SLC16A7: variants seen among roughly 807,000 people sequenced by gnomAD.
SLC16A7 encodes the protein solute carrier family 16 member 7.
In SLC16A7, 33 loss-of-function variants were observed where a neutral mutation model predicts 34.9. The ratio of observed to expected loss-of-function variants is 0.94; its 90% CI spans 0.72 to 1.26. SLC16A7 has a LOEUF of 1.26. Ranked by LOEUF, SLC16A7 falls within the 50% of genes most tolerant of loss-of-function variation. The pLI is 0.00. For synonymous variants in SLC16A7, 201 were observed against 206.6 expected (o/e 0.97, Z 0.23); for missense variants, 573 against 578.1 (o/e 0.99, Z 0.09).
intron 1 of SLC16A7, among the ~76,000 whole-genome samples, chr12:59,626,731 T>G (rs911705979): frequency 6.6e-6 from 1 of 151,798 alleles, no homozygotes; most frequent in Non-Finnish European, 1.5e-5. Flanking sequence ...ATTTTTCCTT[T>G]GATTATTTAG....
At chr12:59,680,371 A>G (rs1380214058) in intron 2 of SLC16A7, among the ~76,000 whole-genome samples, 3 of 152,188 alleles carry the variant, frequency 2.0e-5, no homozygotes, top group Admixed American at 2.0e-4. Context: ...TGGAATTTAT[A>G]GGAATTATGT....
intron 3 of SLC16A7, among the ~76,000 whole-genome samples, chr12:59,752,535 C>T (rs2711684): frequency 0.043 from 6,556 of 151,508 alleles, 452 homozygotes; most frequent in African/African-American, 0.15. Context: ...TGAAATGAAG[C>T]AAGAAGGGAA....
chr12:59,684,291 C>T (rs1385383741), intron 2 of SLC16A7, among the ~76,000 whole-genome samples: 2 of 152,120 alleles, frequency 1.3e-5, no homozygotes, highest in African/African-American at 4.8e-5. Context: ...TTTAGAAAGA[C>T]AAAAGACTTC....
chr12:59,777,585 T>C (rs1882883039), intron 5 of SLC16A7, among the ~76,000 whole-genome samples: 1 of 151,944 alleles, frequency 6.6e-6, no homozygotes, highest in Non-Finnish European at 1.5e-5. Flanking sequence ...AAAAATTCTT[T>C]TTTTTTTCTT....
chr12:59,655,346 A>G (rs1868481939), intron 2 of SLC16A7, 96 bp downstream of exon 2: 1 of 151,908 alleles, frequency 6.6e-6, no homozygotes, highest in South Asian at 2.1e-4. Context: ...GAATGGTAGT[A>G]TTGGCATGAC....
intron 3 of SLC16A7, among the ~76,000 whole-genome samples, chr12:59,741,680 C>T (rs577675780): frequency 6.6e-6 from 1 of 152,226 alleles, no homozygotes; most frequent in South Asian, 2.1e-4. Flanking sequence ...AGAAAATTCA[C>T]GGGAATCTCT....
rs954701794 is a variant in SLC16A7 at position 59,596,262 on chromosome 12, A to AGAGGAGGAGGAG, written c.-130+37_-130+48dup. The AGAGGAGGAGGAG allele has an allele frequency of 6.6e-6, 1 of 151,690 alleles. No homozygotes were observed. The highest frequency in any genetic ancestry group is 6.6e-5 in the Admixed American group (1 of 15,164). The allele number at this position is 151,690 out of a possible 1,614,324, so 9.4% of individuals were successfully genotyped here. ...GTAAGTACAGCTGGGGAGGGAGGGG[A>AGAGGAGGAGGAG]GAGGAGGAGGAGGAGGAGGAGGTGC... On this transcript the variant is annotated intron_variant, in intron 1 of 5. Coordinates refer to ENST00000547379, the MANE Select transcript of SLC16A7 (RefSeq NM_001270623.2). The surrounding 1 kb of genome is among the most constrained non-coding windows in gnomAD (Gnocchi z 5.0).
Position 59,658,420 on chromosome 12 carries a change from G to T in SLC16A7, c.-31+3170G>T, listed in dbSNP as rs939619223. ...CTGTTTGAACATGGAACCTACAAAG[G>T]ATATCACTGTTTCTTGCCTATGTTT... is the stretch of plus-strand genomic sequence containing the variant. On this transcript the variant is annotated intron_variant, in intron 2 of 5. Transcript: ENST00000547379. Among the ~76,000 whole-genome samples the T allele has an allele frequency of 4.6e-5, 7 of 152,028 alleles. No individual in the cohort carries two copies. In the South Asian group the frequency reaches 1.5e-3, roughly 32 times the overall value.
intron 5 of SLC16A7, among the ~76,000 whole-genome samples, chr12:59,777,510 T>C (rs763523422): frequency 6.6e-6 from 1 of 152,156 alleles, no homozygotes; most frequent in Non-Finnish European, 1.5e-5. Flanking sequence ...GAACTTTCAC[T>C]GCTCCTCTCA....
intron 3 of SLC16A7, chr12:59,720,027 T>C: frequency 1.5e-6 from 1 of 680,620 alleles, no homozygotes; most frequent in Non-Finnish European, 2.6e-6. Context: ...TTTGTAAACT[T>C]TTCTGGAATA....
chr12:59,674,277 A>T (rs2137059258), intron 2 of SLC16A7, among the ~76,000 whole-genome samples: 2 of 152,300 alleles, frequency 1.3e-5, no homozygotes, highest in Middle Eastern at 6.8e-3. Context: ...CTCTAAAAGG[A>T]TTATATACTC....
chr12:59,773,884 G>C (rs1444754259), intron 4 of SLC16A7, among the ~76,000 whole-genome samples: 1 of 152,084 alleles, frequency 6.6e-6, no homozygotes, highest in Non-Finnish European at 1.5e-5. Context: ...ACTTTTTAAA[G>C]GATCTTATTT....
At chr12:59,619,909 GT>G (rs1333060505) in intron 1 of SLC16A7, among the ~76,000 whole-genome samples, 2 of 151,914 alleles carry the variant, frequency 1.3e-5, no homozygotes, top group Non-Finnish European at 2.9e-5. Context: ...TATTACTTCA[GT>G]TTTTACAGAA....
chr12:59,751,635 G>A (rs1341037494), intron 3 of SLC16A7, among the ~76,000 whole-genome samples: 17 of 152,228 alleles, frequency 1.1e-4, no homozygotes, highest in Admixed American at 1.1e-3. Context: ...CACAGCTCAA[G>A]GAAGCCTGCC....
At chr12:59,664,141 C>A (rs765082191) in intron 2 of SLC16A7, among the ~76,000 whole-genome samples, 6 of 152,024 alleles carry the variant, frequency 3.9e-5, no homozygotes, top group Non-Finnish European at 8.8e-5. Flanking sequence ...GCTTCAGTGT[C>A]CCCATAGGAA....
At chr12:59,687,322 T>C (rs1023334653) in intron 2 of SLC16A7, among the ~76,000 whole-genome samples, 3 of 152,042 alleles carry the variant, frequency 2.0e-5, no homozygotes, top group Admixed American at 6.6e-5. Context: ...ATTGCTTCCA[T>C]AGTAACCTTC....
At chr12:59,729,965 ATTC>A (rs1876739501) in intron 3 of SLC16A7, among the ~76,000 whole-genome samples, 1 of 152,184 alleles carries the variant, frequency 6.6e-6, no homozygotes. Flanking sequence ...AGCATCTCTT[ATTC>A]TTCTACTGAG....
intron 3 of SLC16A7, among the ~76,000 whole-genome samples, chr12:59,705,961 T>G (rs1294908632): frequency 1.3e-5 from 2 of 152,158 alleles, no homozygotes; most frequent in African/African-American, 4.8e-5. Context: ...AATATTTACT[T>G]TCACCCAAGG....
At chr12:59,706,370 G>GTT (rs1357843429) in intron 3 of SLC16A7, among the ~76,000 whole-genome samples, 1 of 151,774 alleles carries the variant, frequency 6.6e-6, no homozygotes, top group African/African-American at 2.4e-5. Flanking sequence ...CCCTGTGTGT[G>GTT]TGTGTGTGTG....
Sources: allele counts gnomAD v4.1 joint callset (sites outside exome capture counted in the v4.1 genomes callset), GRCh38; gene constraint gnomAD v4.1.1; non-coding constraint Gnocchi (gnomAD v3.1); transcripts MANE v1.5; gene names NCBI Gene and HGNC (gene_info 2026-07-23, HGNC 2026-07-21).